Variants in ZCCHC17 observed in about 807,000 individuals in gnomAD.
The protein encoded by ZCCHC17 is zinc finger CCHC-type containing 17.
ZCCHC17 carries 18 observed loss-of-function variants against 30.6 expected under a neutral mutation model. The observed-to-expected ratio is 0.59, with a 90% CI of 0.41 to 0.87. The LOEUF (loss-of-function observed/expected upper bound fraction) is 0.87, where lower values mean the gene tolerates loss of function less well. ZCCHC17 is among the 40% of genes least tolerant of loss of function. The pLI is 0.00. For missense variants in ZCCHC17, 263 were observed against 284.2 expected (o/e 0.93, Z 0.54); for synonymous variants, 88 against 92.4 (o/e 0.95, Z 0.27).
chr1:31,307,821 C>T (rs1265487234), intron 1 of ZCCHC17, among the ~76,000 whole-genome samples: 1 of 151,932 alleles, frequency 6.6e-6, no homozygotes, highest in African/African-American at 2.4e-5. Context: ...ATGATCCACC[C>T]GCCTTGGCCT....
At chr1:31,324,601 A>C (rs559573363) in intron 3 of ZCCHC17, among the ~76,000 whole-genome samples, 11 of 152,216 alleles carry the variant, frequency 7.2e-5, no homozygotes, top group Non-Finnish European at 1.6e-4. Flanking sequence ...ATTTTGGAGC[A>C]AAGTCGAAGC....
intron 1 of ZCCHC17, among the ~76,000 whole-genome samples, chr1:31,300,088 T>C (rs1283683429): frequency 6.6e-6 from 1 of 152,186 alleles, no homozygotes; most frequent in Non-Finnish European, 1.5e-5. Context: ...TTTGAGACAG[T>C]CTTACTCTGT....
At chr1:31,327,325 G>C (rs1286983321) in intron 3 of ZCCHC17, among the ~76,000 whole-genome samples, 1 of 152,162 alleles carries the variant, frequency 6.6e-6, no homozygotes, top group Non-Finnish European at 1.5e-5. Flanking sequence ...TTGTACTTCT[G>C]ACCAATCAGC....
intron 7 of ZCCHC17, among the ~76,000 whole-genome samples, chr1:31,349,329 T>C (rs954507314): frequency 3.9e-5 from 6 of 152,206 alleles, no homozygotes; most frequent in African/African-American, 4.8e-5. Context: ...GAGACTCTTA[T>C]TGGCATTTTG....
At chr1:31,343,843 C>T (rs1569883614) in intron 5 of ZCCHC17, among the ~76,000 whole-genome samples, 1 of 132,574 alleles carries the variant, frequency 7.5e-6, no homozygotes, top group Admixed American at 7.3e-5. Flanking sequence ...GCATGCCCCA[C>T]TAATTTTTTT....
rs1430575267 is a variant in ZCCHC17, at chr1:31,321,647, A to C, written c.124+2481A>C. ...GTGCCACCACACCCGGCTAATTTTT[A>C]GTAGAGGCAGGGTTTTGCCATGTTG... On this transcript the variant is annotated intron_variant, in intron 3 of 7. Coordinates refer to ENST00000344147, the MANE Select transcript of ZCCHC17 (RefSeq NM_016505.4). Among the ~76,000 whole-genome samples the C allele has an allele frequency of 3.9e-5, 6 of 152,212 alleles. No individual in the cohort carries two copies. The South Asian group carries it at 1.0e-3, about 26-fold the overall frequency.
chr1:31,324,630 C>T (rs1253979614), intron 3 of ZCCHC17, among the ~76,000 whole-genome samples: 2 of 152,266 alleles, frequency 1.3e-5, no homozygotes, highest in Non-Finnish European at 2.9e-5. Context: ...GGCACTATTG[C>T]AACCTGGCTG....
chr1:31,329,453 A>G (rs1375145475), intron 3 of ZCCHC17, among the ~76,000 whole-genome samples: 1 of 152,224 alleles, frequency 6.6e-6, no homozygotes, highest in African/African-American at 2.4e-5. Flanking sequence ...TGCTTATGAT[A>G]GAAGCTCAAA....
At chr1:31,350,866 T>C (rs1639444788) in intron 7 of ZCCHC17, among the ~76,000 whole-genome samples, 1 of 152,214 alleles carries the variant, frequency 6.6e-6, no homozygotes, top group Admixed American at 6.5e-5. Context: ...CCTCCCAAAG[T>C]GTTGGGATTA....
chr1:31,322,627 A>G (rs1358716300), intron 3 of ZCCHC17, among the ~76,000 whole-genome samples: 1 of 152,094 alleles, frequency 6.6e-6, no homozygotes, highest in Non-Finnish European at 1.5e-5. Context: ...AGGATCTGTT[A>G]TATAGACATG....
intron 1 of ZCCHC17, among the ~76,000 whole-genome samples, chr1:31,300,223 CTAATTGTTGTATTTTTTATAGAGA>C (rs1478735830): frequency 6.6e-6 from 1 of 152,092 alleles, no homozygotes; most frequent in Non-Finnish European, 1.5e-5. Context: ...CCATGCCTGG[CTAATTGTTGTATTTTTTATAGAGA>C]TAAGGTCTTG....
rs59792081 is a variant in ZCCHC17 at position 31,355,178 on chromosome 1, TAA to T, written c.564+6224_564+6225del. On this transcript the variant is annotated intron_variant, in intron 7 of 7. Coordinates refer to ENST00000344147, the MANE Select transcript of ZCCHC17 (RefSeq NM_016505.4). ...CGACAGAGTGAGACTCCATCTCAAT[TAA>T]AAAAAAAAAAAAAAAAAAAGTATCT... Among the ~76,000 whole-genome samples the T allele has an allele frequency of 0.01, 1,416 of 137,694 alleles. 65 individuals carry two copies. In the East Asian group the frequency reaches 0.15, roughly 14 times the overall value. The allele number at this position is 137,694 out of a possible 152,430, so 90.3% of individuals were successfully genotyped here. A position where few individuals can be genotyped will look rare whatever the true frequency, so the allele number is the denominator to read the frequency against.
chr1:31,346,792 T>G (rs756245007), intron 6 of ZCCHC17, 52 bp downstream of exon 6: 1 of 1,610,724 alleles, frequency 6.2e-7, no homozygotes, highest in Non-Finnish European at 8.5e-7. Context: ...GGATGGACCC[T>G]TTTCTGGAAG....
intron 2 of ZCCHC17, among the ~76,000 whole-genome samples, chr1:31,311,295 T>C (rs1168698069): frequency 6.6e-6 from 1 of 152,128 alleles, no homozygotes; most frequent in African/African-American, 2.4e-5. Context: ...CTCATTACAA[T>C]TGAATACAGA....
At position 31,339,045 on chromosome 1, in the gene ZCCHC17, T is replaced by C. The variant is rs1250087790; in HGVS notation, c.314T>C (p.Ile105Thr). 6 of 1,603,436 alleles carry C rather than the reference T, an allele frequency of 3.7e-6. No homozygotes were observed. In the South Asian group the frequency reaches 4.5e-5, roughly 12 times the overall value. ...GKDLDPNNVIIEQEERRRRSF... is the reference protein window; with the variant it reads ...GKDLDPNNVITEQEERRRRSF... ...GACCTTGATCCCAACAATGTTATCA[T>C]TGAGTAAGTAAAAGGTTTGGAAAGG... Residue 105 changes from isoleucine (I) to threonine (T), a missense_variant, in exon 5 of 8, where the codon ATT becomes ACT. By Grantham distance (89) the Ile-to-Thr change is moderately conservative (BLOSUM62 -1). Transcript: ENST00000344147.
chr1:31,354,515 G>T (rs1002618338), intron 7 of ZCCHC17, among the ~76,000 whole-genome samples: 1 of 152,008 alleles, frequency 6.6e-6, no homozygotes, highest in South Asian at 2.1e-4. Context: ...GCCAGATCTA[G>T]ATTTTTAACT....
chr1:31,352,742 G>A (rs1639512639), intron 7 of ZCCHC17, among the ~76,000 whole-genome samples: 1 of 152,018 alleles, frequency 6.6e-6, no homozygotes, highest in African/African-American at 2.4e-5. Context: ...CCACCACATC[G>A]AGCCCCATTT....
chr1:31,305,551 A>G (rs983172175), intron 1 of ZCCHC17, among the ~76,000 whole-genome samples: 1 of 152,134 alleles, frequency 6.6e-6, no homozygotes, highest in Admixed American at 6.5e-5. Context: ...TGGCCTTCCA[A>G]AGTGCTGGGA....
intron 3 of ZCCHC17, among the ~76,000 whole-genome samples, chr1:31,332,559 T>C (rs1638634211): frequency 1.3e-5 from 2 of 152,086 alleles, no homozygotes; most frequent in Non-Finnish European, 2.9e-5. Flanking sequence ...ATGCTCATCA[T>C]AGAAAAATAG....
Sources: gnomAD v4.1 joint callset for allele counts (sites outside exome capture counted in the v4.1 genomes callset) on GRCh38, gnomAD v4.1.1 for gene constraint, MANE v1.5 for transcripts, NCBI Gene and HGNC (gene_info 2026-07-23, HGNC 2026-07-21) for gene names.